The following SMC1B variants were observed in gnomAD, a reference collection of about 807,000 sequenced individuals.
SMC1B encodes structural maintenance of chromosomes protein 1B.
In SMC1B, 60 loss-of-function variants were observed where a neutral mutation model predicts 157.9. The ratio of observed to expected loss-of-function variants is 0.38; its 90% CI spans 0.31 to 0.47. The LOEUF is 0.47. SMC1B is among the 20% of genes least tolerant of loss of function. SMC1B has a pLI of 0.99. For missense variants in SMC1B, 1,165 were observed against 1,426.2 expected (o/e 0.82, Z 2.95); for synonymous variants, 445 against 483.0 (o/e 0.92, Z 1.03).
intron 15 of SMC1B, among the ~76,000 whole-genome samples, 180 bp from the exon 16 acceptor site, chr22:45,363,206 C>G (rs912880340): frequency 3.3e-5 from 5 of 152,136 alleles, no homozygotes; most frequent in African/African-American, 1.2e-4. Context: ...TTGATAACTC[C>G]ACTAATTGAC....
chr22:45,350,082 C>G (rs2086596308), intron 22 of SMC1B, among the ~76,000 whole-genome samples: 1 of 152,046 alleles, frequency 6.6e-6, no homozygotes, highest in African/African-American at 2.4e-5. Context: ...TTTTCTGAGT[C>G]TGCTGAGAAC....
Position 45,355,233 on chromosome 22 carries a change from C to A in SMC1B, c.2962-118G>T, listed in dbSNP as rs2086658416. On this transcript the variant is annotated intron_variant, in intron 19 of 24. Transcript: ENST00000357450. ...GTCCCTGTGCATCCACTCCTTCTCT[C>A]CCCAAAGCCCTCTCTGAGCCTGGAG... is the stretch of plus-strand genomic sequence containing the variant. 5.3e-6 allele frequency: 5 copies of A among 936,442 alleles called. No individual in the cohort carries two copies. The Admixed American group carries it at 8.3e-5, about 16-fold the overall frequency. The allele number at this position is 936,442 out of a possible 1,614,324, so 58.0% of individuals were successfully genotyped here. A position where few individuals can be genotyped will look rare whatever the true frequency, so the allele number is the denominator to read the frequency against.
Position 45,347,039 on chromosome 22 carries a change from AAGAC to A in SMC1B, c.3496-1474_3496-1471del, listed in dbSNP as rs1291772974. On this transcript the variant is annotated intron_variant, in intron 23 of 24. Transcript: ENST00000357450. ...AAATACCTTCAATACAGCCAAGAAA[AAGAC>A]AGCCACCAAGATTTCCCCTCACAGA... Among the ~76,000 whole-genome samples the A allele has an allele frequency of 3.3e-5, 5 of 152,320 alleles. No individual in the cohort carries two copies. In the East Asian group the frequency reaches 5.8e-4, roughly 18 times the overall value.
intron 24 of SMC1B, 96 bp from the exon 25 acceptor site, chr22:45,344,753 G>T: frequency 1.3e-6 from 1 of 769,994 alleles, no homozygotes; most frequent in Middle Eastern, 2.6e-4. Context: ...GCATTCAAAA[G>T]GAATCTTCTT....
chr22:45,372,230 T>A lies in SMC1B; in HGVS notation c.2121A>T (p.Gly707=), dbSNP rs2086840295. The change falls in exon 13 of 25, where the codon GGA becomes GGT. Residue 707 remains glycine (G), a synonymous_variant. Coordinates refer to ENST00000357450, the MANE Select transcript of SMC1B (RefSeq NM_148674.5). The part of the protein sequence containing the change: ...DLKQIQTLIQ[G]TQTRLKYSQN... ...GTGAATATTTGAGTCGTGTTTGAGT[T>A]CCCTGTATCAGGGTCTGTATTTGTT... The A allele has an allele frequency of 1.2e-6, 2 of 1,612,358 alleles. No individual in the cohort carries two copies. The highest frequency in any genetic ancestry group is 1.7e-5 in the Admixed American group (1 of 59,838).
At chr22:45,362,757 A>T in intron 16 of SMC1B, 128 bp downstream of exon 16, 1 of 739,214 alleles carries the variant, frequency 1.4e-6, no homozygotes, top group Non-Finnish European at 2.2e-6. Flanking sequence ...ATTTTACTTT[A>T]AGTATTTCTT....
chr22:45,391,952 GTGTTTTTTTGTTTT>G (rs1235121340), intron 9 of SMC1B, among the ~76,000 whole-genome samples: 5 of 151,940 alleles, frequency 3.3e-5, no homozygotes, highest in Admixed American at 3.3e-4. Flanking sequence ...CAATTCACCA[GTGTTTTTTTGTTTT>G]TGTTTTTTTG....
At chr22:45,405,602 T>C (rs2087250475) in intron 4 of SMC1B, among the ~76,000 whole-genome samples, 2 of 152,106 alleles carry the variant, frequency 1.3e-5, no homozygotes, top group Non-Finnish European at 2.9e-5. Flanking sequence ...CATGGAAAGT[T>C]AGGATCTGAT....
chr22:45,358,565 A>C (rs771463804), intron 19 of SMC1B, 132 bp downstream of exon 19: 66 of 574,842 alleles, frequency 1.1e-4, no homozygotes, highest in Non-Finnish European at 1.8e-4. Flanking sequence ...TTTCCTTTGT[A>C]TATTTCTTCC....
rs1332884592 is a variant in SMC1B at position 45,344,570 on chromosome 22, C to T, written c.3694G>A (p.Gly1232Arg). The T allele has an allele frequency of 2.5e-6, 4 of 1,613,360 alleles. No homozygotes were observed. The African/African-American group carries it at 4.0e-5, about 16-fold the overall frequency. ...TEGQESSKRH[G>R]ESR ...CAGGACTGCCCCTAGCGGGACTCTCCGTGTCTCTTGCTGCTTTCTTGGCCT... is the reference window on the plus strand; with the variant it reads ...CAGGACTGCCCCTAGCGGGACTCTCTGTGTCTCTTGCTGCTTTCTTGGCCT... Residue 1232 changes from glycine (G) to arginine (R), a missense_variant, in exon 25 of 25, where the codon GGA (glycine) becomes AGA (arginine). By Grantham distance (125) the Gly-to-Arg change is moderately radical. Coordinates refer to ENST00000357450, the MANE Select transcript of SMC1B (RefSeq NM_148674.5).
intron 4 of SMC1B, among the ~76,000 whole-genome samples, chr22:45,406,251 T>G (rs1445231833): frequency 6.6e-6 from 1 of 152,144 alleles, no homozygotes; most frequent in Non-Finnish European, 1.5e-5. Context: ...AATCAGACAT[T>G]TTTCTAGTTC....
At chr22:45,346,174 CAG>C (rs1471239095) in intron 23 of SMC1B, among the ~76,000 whole-genome samples, 8 of 152,206 alleles carry the variant, frequency 5.3e-5, no homozygotes. Context: ...CACTGCACTC[CAG>C]GCTGGGCGAC....
chr22:45,362,976 C>A lies in SMC1B; in HGVS notation c.2471G>T (p.Ser824Ile), dbSNP rs2086736476. The change falls in exon 16 of 25, where the codon AGT (serine) becomes ATT (isoleucine). Residue 824 changes from serine (S) to isoleucine (I), a missense_variant. Physicochemically the swap from Ser to Ile is moderately radical, Grantham distance 142. Coordinates refer to ENST00000357450, the MANE Select transcript of SMC1B (RefSeq NM_148674.5). The part of the protein sequence containing the change: ...KTRLNVQLEY[S>I]RSHLKKKLNK... ...CAGTTTCTTCTTAAGGTGACTGCGA[C>A]TATACTCAAGTTGAACATTAAGCCG... is the stretch of plus-strand genomic sequence containing the variant. 1.9e-6 allele frequency: 3 copies of A among 1,599,374 alleles called. No homozygotes were observed. The highest frequency in any genetic ancestry group is 1.7e-6 in the Non-Finnish European group (2 of 1,174,820).
At chr22:45,405,848 T>C (rs765091465) in intron 4 of SMC1B, among the ~76,000 whole-genome samples, 44 of 152,206 alleles carry the variant, frequency 2.9e-4, no homozygotes, top group Non-Finnish European at 5.7e-4. Context: ...TGGACAAAAT[T>C]GCTAGGCCTT....
At chr22:45,389,374 G>A (rs2087030540) in intron 10 of SMC1B, among the ~76,000 whole-genome samples, 3 of 152,214 alleles carry the variant, frequency 2.0e-5, no homozygotes, top group South Asian at 4.1e-4. Flanking sequence ...ATTTCCAACA[G>A]ACCATACGTC....
At chr22:45,386,398 C>T (rs2086989769) in intron 11 of SMC1B, among the ~76,000 whole-genome samples, 1 of 107,682 alleles carries the variant, frequency 9.3e-6, no homozygotes, top group African/African-American at 7.5e-5. Flanking sequence ...TTAGTAATCT[C>T]ATTTCAATTG....
intron 22 of SMC1B, 142 bp downstream of exon 22, chr22:45,352,309 A>G: frequency 1.4e-6 from 1 of 713,650 alleles, no homozygotes; most frequent in Non-Finnish European, 2.1e-6. Context: ...CTAAAACATA[A>G]TCTGAATTGT....
intron 15 of SMC1B, among the ~76,000 whole-genome samples, chr22:45,364,971 GGGACTACAGGCAC>G (rs1481337406): frequency 2.0e-5 from 3 of 151,712 alleles, no homozygotes; most frequent in Admixed American, 2.0e-4. Flanking sequence ...CCAAGTAGCT[GGGACTACAGGCAC>G]CTGCCACCAC....
chr22:45,372,640 C>T (rs1185020245), intron 12 of SMC1B, among the ~76,000 whole-genome samples: 1 of 151,442 alleles, frequency 6.6e-6, no homozygotes, highest in Non-Finnish European at 1.5e-5. Context: ...GCCTCTCTCA[C>T]TCCCTTCTTC....
Sources: allele counts gnomAD v4.1 joint callset (sites outside exome capture counted in the v4.1 genomes callset), GRCh38; gene constraint gnomAD v4.1.1; transcripts MANE v1.5; gene names NCBI Gene and HGNC (gene_info 2026-07-23, HGNC 2026-07-21).